The following MED8 variants were observed in gnomAD, a reference collection of about 807,000 sequenced individuals.
MED8 encodes mediator complex subunit 8.
A neutral mutation model predicts 34.8 loss-of-function variants in MED8; 22 were observed. The ratio of observed to expected loss-of-function variants is 0.63; its 90% CI spans 0.45 to 0.90. MED8 has a LOEUF of 0.90. Among genes scored for constraint, MED8 ranks in the 40% least tolerant of loss-of-function variants. MED8 has a pLI of 0.00. For missense variants in MED8, 260 were observed against 326.3 expected, an observed-to-expected ratio of 0.80 and a Z score of 1.57; for synonymous variants, 105 against 120.2, an observed-to-expected ratio of 0.87 and a Z score of 0.83.
Position 43,386,794 on chromosome 1 carries a change from TG to T in MED8, c.411+63del. The stretch of plus-strand genomic sequence containing the variant: ...ACTATGTATCCCTACTAGACAGGAA[TG>T]GTAATGCCTAGCTTCTCATGATGGG... On this transcript the variant is annotated intron_variant, in intron 4 of 6. Transcript: ENST00000372457. The surrounding 1 kb of genome is among the most constrained non-coding windows in gnomAD (Gnocchi z 4.9). 6.2e-7 allele frequency: 1 copy of T among 1,609,554 alleles called. No individual in the cohort carries two copies. Among genetic ancestry groups the T allele is most frequent in the Non-Finnish European group, 8.5e-7 (1 of 1,177,308 alleles).
chr1:43,385,806 G>T, intron 6 of MED8, 172 bp downstream of exon 6: 1 of 1,002,964 alleles, frequency 1.0e-6, no homozygotes, highest in Non-Finnish European at 1.5e-6. Flanking sequence ...GGTGCCTGTT[G>T]CAGAGTCTCA....
In MED8 at chr1:43,385,087, T is replaced by C. The variant is rs1370906627; in HGVS notation, c.762A>G (p.Ile254Met). 7.7e-6 allele frequency: 12 copies of C among 1,556,004 alleles called. No homozygotes were observed. The highest frequency in any genetic ancestry group is 1.4e-5 in the African/African-American group (1 of 73,392). Residue 254 changes from isoleucine (I) to methionine (M), a missense_variant, in exon 7 of 7, where the codon ATA (isoleucine) becomes ATG (methionine). Physicochemically the swap from Ile to Met is conservative, Grantham distance 10. Transcript: ENST00000372457. ...AGQPGKMPSG[I>M]KTNIKSASMH... ...TGGAAGCCGACTTGATGTTGGTTTT[T>C]ATTCCACTTGGCATTTTCCCTGAAA...
rs1647675755 is a variant in MED8 at position 43,384,955 on chromosome 1, T to C, written c.*87A>G. ...CTGAAAGCCCATGTTCTTTTTATTG[T>C]ACCCATCTAGGTGAGCCTTGAGCAA... On this transcript the variant is annotated 3_prime_UTR_variant, in exon 7 of 7. Transcript: ENST00000372457. The C allele has an allele frequency of 6.7e-7, 1 of 1,492,848 alleles. No homozygotes were observed. The highest frequency in any genetic ancestry group is 8.9e-7 in the Non-Finnish European group (1 of 1,121,320). 92.5% of individuals were successfully genotyped at this position (1,492,848 alleles called of 1,614,324 possible).
chr1:43,389,303 T>C (rs1362513394), intron 1 of MED8: 1 of 175,394 alleles, frequency 5.7e-6, no homozygotes, highest in Non-Finnish European at 1.2e-5. Context: ...CCTCTGATTA[T>C]AAGCTGCTTA....
In MED8 at chr1:43,384,271, G is replaced by T; in HGVS notation, c.*771C>A. The T allele has an allele frequency of 3.1e-6, 2 of 644,484 alleles. No individual in the cohort carries two copies. Among genetic ancestry groups the T allele is most frequent in the East Asian group, 3.3e-5 (1 of 30,496 alleles). The allele number at this position is 644,484 out of a possible 1,614,324, so 39.9% of individuals were successfully genotyped here. A position where few individuals can be genotyped will look rare whatever the true frequency, so the allele number is the denominator to read the frequency against. ...AATAAGAAACATGAATCCAGGGGAA[G>T]GGGCTTTTTCGTGTGCTAAGGAAAA... On this transcript the variant is annotated 3_prime_UTR_variant, in exon 7 of 7. Coordinates refer to ENST00000372457, the MANE Select transcript of MED8 (RefSeq NM_201542.5).
rs935891852 is a variant in MED8, at chr1:43,389,617, G to GC, written c.6+141dup. ...CGCCGCTCCCGCTCCAATTAGCCTC[G>GC]CCCCCCAGCCCACATTCCCTTATCA... On this transcript the variant is annotated intron_variant, in intron 1 of 6. Coordinates refer to ENST00000372457, the MANE Select transcript of MED8 (RefSeq NM_201542.5). 4.7e-5 allele frequency: 61 copies of GC among 1,296,758 alleles called. 1 individual carries two copies. Among genetic ancestry groups the GC allele is most frequent in the Admixed American group, 1.1e-4 (4 of 36,258 alleles). 80.3% of individuals were successfully genotyped at this position (1,296,758 alleles called of 1,614,324 possible).
At chr1:43,385,925 T>G (rs1647709883) in intron 6 of MED8, 53 bp downstream of exon 6, 1 of 1,610,118 alleles carries the variant, frequency 6.2e-7, no homozygotes, top group African/African-American at 1.3e-5. Flanking sequence ...ATCTAGCTTA[T>G]TCCCTCCCAC....
chr1:43,388,353 T>TC lies in MED8; in HGVS notation c.81dup (p.Ser28GlufsTer39), dbSNP rs1178865419. The TC allele has an allele frequency of 1.2e-6, 2 of 1,613,578 alleles. No homozygotes were observed. Among genetic ancestry groups the TC allele is most frequent in the South Asian group, 2.2e-5 (2 of 91,086 alleles). On this transcript the variant is annotated frameshift_variant, in exon 2 of 7. Transcript: ENST00000372457. LOFTEE classifies it high-confidence loss of function. ...TCGTTCTCCAACTTGCAAATGAAAC[T>TC]CCCCAGAGAGTTCTTCAGATCAGCC...
At chr1:43,387,743 T>G (rs1464855098) in intron 2 of MED8, 96 bp from the exon 3 acceptor site, 14 of 1,412,138 alleles carry the variant, frequency 9.9e-6, no homozygotes, top group Middle Eastern at 2.5e-4. Flanking sequence ...AACACTTGGA[T>G]TCACCTCCAA....
At chr1:43,389,735 T>C in intron 1 of MED8, 24 bp downstream of exon 1, 2 of 1,604,452 alleles carry the variant, frequency 1.2e-6, no homozygotes, top group South Asian at 1.1e-5. Context: ...TGCCAGCCGC[T>C]AGTACGCCCA....
Position 43,386,195 on chromosome 1 carries a change from A to G in MED8, c.525T>C (p.Pro175=). 6.2e-7 allele frequency: 1 copy of G among 1,613,960 alleles called. No individual in the cohort carries two copies. Among genetic ancestry groups the G allele is most frequent in the Non-Finnish European group, 8.5e-7 (1 of 1,179,886 alleles). The change falls in exon 6 of 7, where the codon CCT becomes CCC. Residue 175 remains proline, a synonymous_variant. Transcript: ENST00000372457. The surrounding 1 kb of genome is among the most constrained non-coding windows in gnomAD (Gnocchi z 4.9). The stretch of plus-strand genomic sequence containing the variant: ...CTGCCACCAAGGCATTAGTGTCTGT[A>G]GGGTTAAAGGTCTGCTTGTTCGGCC... ...GLRPNKQTFN[P]TDTNALVAAV...
chr1:43,388,711 C>A (rs959345353), intron 1 of MED8: 15 of 339,536 alleles, frequency 4.4e-5, no homozygotes, highest in African/African-American at 2.9e-4. Context: ...GTTAGGTACA[C>A]CCTACACTCC....
chr1:43,385,225 T>C (rs1647688150), intron 6 of MED8, 119 bp from the exon 7 acceptor site: 2 of 1,325,932 alleles, frequency 1.5e-6, no homozygotes, highest in African/African-American at 1.5e-5. Flanking sequence ...CTCTGCGGCA[T>C]CTGACCCTGT....
chr1:43,386,287 C>T lies in MED8; in HGVS notation c.494-61G>A. ...TCTGATGCAGGACTGAACGTGGCAG[C>T]TGGAAGACCAGTATGAGTGCCAGGG... On this transcript the variant is annotated intron_variant, in intron 5 of 6. Transcript: ENST00000372457. The surrounding 1 kb of genome is among the most constrained non-coding windows in gnomAD (Gnocchi z 4.9). 1 of 1,567,528 alleles carries T rather than the reference C, an allele frequency of 6.4e-7. No individual in the cohort carries two copies. The highest frequency in any genetic ancestry group is 1.8e-5 in the Admixed American group (1 of 56,822).
At chr1:43,387,138 C>T in intron 3 of MED8, 140 bp from the exon 4 acceptor site, 1 of 1,153,774 alleles carries the variant, frequency 8.7e-7, no homozygotes, top group Non-Finnish European at 1.2e-6. Flanking sequence ...TTTGCTAGGA[C>T]ACACTCTCCT....
In MED8 at chr1:43,384,658, C is replaced by T. The variant is rs2153925473; in HGVS notation, c.*384G>A. ...CTTGTGTCCATCAGCTCACCATTGACGTGAGGCAGTATCAGATTAGGGTAA... is the reference window on the plus strand; with the variant it reads ...CTTGTGTCCATCAGCTCACCATTGATGTGAGGCAGTATCAGATTAGGGTAA... On this transcript the variant is annotated 3_prime_UTR_variant, in exon 7 of 7. Transcript: ENST00000372457. The T allele has an allele frequency of 8.1e-6, 12 of 1,472,482 alleles. No individual in the cohort carries two copies. Among genetic ancestry groups the T allele is most frequent in the East Asian group, 7.5e-5 (3 of 40,246 alleles). 91.2% of individuals were successfully genotyped at this position (1,472,482 alleles called of 1,614,324 possible). A position where few individuals can be genotyped will look rare whatever the true frequency, so the allele number is the denominator to read the frequency against.
At position 43,384,477 on chromosome 1, in the gene MED8, T is replaced by C. The variant is rs756508744; in HGVS notation, c.*565A>G. ...ACCAGAGCTGCAGGTGGGCATTTTTTTTTCCTTCCTGGCCCAGAAGCTTCT... is the reference window on the plus strand; with the variant it reads ...ACCAGAGCTGCAGGTGGGCATTTTTCTTTCCTTCCTGGCCCAGAAGCTTCT... On this transcript the variant is annotated 3_prime_UTR_variant, in exon 7 of 7. Coordinates refer to ENST00000372457, the MANE Select transcript of MED8 (RefSeq NM_201542.5). The C allele has an allele frequency of 3.7e-6, 6 of 1,608,778 alleles. No homozygotes were observed. Among genetic ancestry groups the C allele is most frequent in the Non-Finnish European group, 5.1e-6 (6 of 1,177,546 alleles).
chr1:43,385,818 A>G (rs1417647517), intron 6 of MED8, 160 bp downstream of exon 6: 2 of 1,157,652 alleles, frequency 1.7e-6, no homozygotes, highest in Non-Finnish European at 2.4e-6. Flanking sequence ...AGAGTCTCAG[A>G]TGAGATTTTT....
chr1:43,386,744 G>C lies in MED8; in HGVS notation c.412-74C>G. 1.3e-6 allele frequency: 2 copies of C among 1,590,118 alleles called. No homozygotes were observed. Among genetic ancestry groups the C allele is most frequent in the Non-Finnish European group, 1.7e-6 (2 of 1,166,724 alleles). ...TGGAGAAATTTATTCCTTGGGTTCT[G>C]CCAGAAGCAACTTAGGCGCAACCAA... On this transcript the variant is annotated intron_variant, in intron 4 of 6. Transcript: ENST00000372457. The surrounding 1 kb of genome is among the most constrained non-coding windows in gnomAD (Gnocchi z 4.9).
Sources: gnomAD v4.1 joint callset for allele counts on GRCh38, gnomAD v4.1.1 for gene constraint, Gnocchi (gnomAD v3.1) non-coding constraint, MANE v1.5 for transcripts, NCBI Gene and HGNC (gene_info 2026-07-23, HGNC 2026-07-21) for gene names.